CFAP299: variants seen among roughly 807,000 people sequenced by gnomAD.
The protein encoded by CFAP299 is cilia- and flagella-associated protein 299.
In CFAP299, 21 loss-of-function variants were observed where a neutral mutation model predicts 27.0. The ratio of observed to expected loss-of-function variants is 0.78; its 90% confidence interval spans 0.55 to 1.12. The LOEUF is 1.12. CFAP299 is among the 50% of genes most tolerant of loss of function. The pLI, the probability that CFAP299 is intolerant of heterozygous loss-of-function variation, is 0.00. For synonymous variants in CFAP299, 104 were observed against 98.1 expected (o/e 1.06, Z -0.36); for missense variants, 310 against 276.6 (o/e 1.12, Z -0.86).
chr4:80,764,854 T>C (rs1398428529), intron 3 of CFAP299, among the ~76,000 whole-genome samples: 5 of 151,900 alleles, frequency 3.3e-5, no homozygotes, highest in Non-Finnish European at 7.4e-5. Flanking sequence ...AACCAAACAC[T>C]GCATGTTCTC....
chr4:80,784,540 G>A lies in CFAP299; in HGVS notation c.334-85453G>A, dbSNP rs184599534. Among the ~76,000 whole-genome samples the A allele has an allele frequency of 3.3e-5, 5 of 149,270 alleles. No homozygotes were observed. In the East Asian group the frequency reaches 5.9e-4, roughly 18 times the overall value. On this transcript the variant is annotated intron_variant, in intron 3 of 5. Transcript: ENST00000358105. ...TTTTCTTTCTTTCTTTTTTTGAGAC[G>A]GAGTTTCGCTCTTGTTGCCCAGGCT...
At chr4:80,410,494 C>A (rs1726667816) in intron 2 of CFAP299, among the ~76,000 whole-genome samples, 1 of 152,126 alleles carries the variant, frequency 6.6e-6, no homozygotes, top group Non-Finnish European at 1.5e-5. Context: ...TAGAATTCAG[C>A]AGAAGCAGAG....
Position 80,930,797 on chromosome 4 carries a change from C to T in CFAP299, c.477-14013C>T, listed in dbSNP as rs543092107. Among the ~76,000 whole-genome samples the T allele has an allele frequency of 2.9e-3, 438 of 152,250 alleles. 2 individuals carry two copies. The highest frequency in any genetic ancestry group is 4.9e-3 in the Non-Finnish European group (334 of 68,004). On this transcript the variant is annotated intron_variant, in intron 4 of 5. Transcript: ENST00000358105. The stretch of plus-strand genomic sequence containing the variant: ...TTCTCAACAGCAGGCAATCCCCATA[C>T]CATCTTTCTTAGTTGGAAGGCCATT...
chr4:80,708,628 A>C (rs1397699830), intron 3 of CFAP299, among the ~76,000 whole-genome samples: 2 of 152,172 alleles, frequency 1.3e-5, no homozygotes, highest in African/African-American at 2.4e-5. Flanking sequence ...TAACATACTG[A>C]AAGTGAGTAC....
intron 1 of CFAP299, among the ~76,000 whole-genome samples, chr4:80,356,015 A>G (rs1431897473): frequency 3.3e-5 from 5 of 151,910 alleles, no homozygotes; most frequent in Admixed American, 1.3e-4. Flanking sequence ...ATTTTTGTGT[A>G]TGGTGTAAGG....
At chr4:80,848,274 C>A (rs1282947326) in intron 3 of CFAP299, among the ~76,000 whole-genome samples, 5 of 151,810 alleles carry the variant, frequency 3.3e-5, no homozygotes, top group African/African-American at 4.8e-5. Flanking sequence ...ACCTCAAAAA[C>A]CACAATATAA....
chr4:80,435,808 C>T (rs1728040610), intron 2 of CFAP299, among the ~76,000 whole-genome samples: 1 of 152,158 alleles, frequency 6.6e-6, no homozygotes, highest in Non-Finnish European at 1.5e-5. Flanking sequence ...TCTATCAATT[C>T]CCCTTTTTGC....
intron 3 of CFAP299, among the ~76,000 whole-genome samples, chr4:80,851,172 G>A (rs1468042277): frequency 6.6e-6 from 1 of 152,146 alleles, no homozygotes; most frequent in Non-Finnish European, 1.5e-5. Flanking sequence ...AGTGGTAGTT[G>A]AAGTCACTGT....
intron 3 of CFAP299, among the ~76,000 whole-genome samples, chr4:80,662,539 G>A (rs1482042971): frequency 6.6e-6 from 1 of 152,146 alleles, no homozygotes; most frequent in Non-Finnish European, 1.5e-5. Flanking sequence ...TCTGAATACA[G>A]CAGTGGAGGG....
At chr4:80,427,093 G>A (rs1368836260) in intron 2 of CFAP299, among the ~76,000 whole-genome samples, 1 of 152,004 alleles carries the variant, frequency 6.6e-6, no homozygotes, top group Admixed American at 6.5e-5. Flanking sequence ...GAGGAAAACG[G>A]GATATCACAA....
In CFAP299 at chr4:80,795,557, G is replaced by T. The variant is rs547094132; in HGVS notation, c.334-74436G>T. 1.5e-4 allele frequency among the ~76,000 whole-genome samples: 23 copies of T among 152,316 alleles called. No individual in the cohort carries two copies. The South Asian group carries it at 4.6e-3, about 30-fold the overall frequency. On this transcript the variant is annotated intron_variant, in intron 3 of 5. Coordinates refer to ENST00000358105, the MANE Select transcript of CFAP299 (RefSeq NM_152770.3). ...AACTCCCCATGAGGCCACTGGTGCA[G>T]GCTGGGGGAGAGAAGGCAGAGTGGC...
At chr4:80,808,674 T>G (rs925770383) in intron 3 of CFAP299, among the ~76,000 whole-genome samples, 1 of 152,168 alleles carries the variant, frequency 6.6e-6, no homozygotes, top group South Asian at 2.1e-4. Flanking sequence ...TAACCTGCTA[T>G]TCCATGTGCT....
chr4:80,598,246 G>A (rs1263363068), intron 3 of CFAP299, among the ~76,000 whole-genome samples: 1 of 152,150 alleles, frequency 6.6e-6, no homozygotes, highest in Non-Finnish European at 1.5e-5. Context: ...AATAGACTTA[G>A]TTCTGTGCTA....
rs777053646 is a variant in CFAP299, at chr4:80,629,893, A to AC, written c.333+46711dup. On this transcript the variant is annotated intron_variant, in intron 3 of 5. Transcript: ENST00000358105. ...CTGGAAAAAAAAAAAAACAAAAAAAACAAAAAAAACCCAGAAAAATTTATT... is the reference window on the plus strand; with the variant it reads ...CTGGAAAAAAAAAAAAACAAAAAAAACCAAAAAAAACCCAGAAAAATTTATT... 6.9e-3 allele frequency among the ~76,000 whole-genome samples: 1,037 copies of AC among 150,830 alleles called. 12 individuals are homozygous for AC. The highest frequency in any genetic ancestry group is 0.012 in the Non-Finnish European group (797 of 67,620).
intron 5 of CFAP299, among the ~76,000 whole-genome samples, chr4:80,950,351 T>A (rs545207944): frequency 6.6e-6 from 1 of 152,060 alleles, no homozygotes; most frequent in Admixed American, 6.6e-5. Flanking sequence ...CTAAAAAGCT[T>A]ACAGGTTAAC....
At chr4:80,566,928 A>G (rs2110228929) in intron 2 of CFAP299, among the ~76,000 whole-genome samples, 1 of 152,236 alleles carries the variant, frequency 6.6e-6, no homozygotes, top group Admixed American at 6.6e-5. Flanking sequence ...TTTAAGTATT[A>G]ACTAGAGAAA....
the CFAP299 span, among the ~76,000 whole-genome samples, chr4:80,327,404 A>G: frequency 1.3e-5 from 2 of 152,206 alleles, no homozygotes; most frequent in South Asian, 4.2e-4. Context: ...GTAGGGCTTC[A>G]TAAGCCAAGG....
intron 4 of CFAP299, among the ~76,000 whole-genome samples, chr4:80,881,025 G>C (rs933140854): frequency 6.6e-6 from 1 of 152,194 alleles, no homozygotes; most frequent in Non-Finnish European, 1.5e-5. Flanking sequence ...ATAAAGGAAA[G>C]AGAAGAGAAT....
intron 3 of CFAP299, among the ~76,000 whole-genome samples, chr4:80,857,354 G>T (rs1731979179): frequency 6.6e-6 from 1 of 152,160 alleles, no homozygotes; most frequent in East Asian, 1.9e-4. Context: ...TCTGCAAACA[G>T]GGACAATTTG....
Sources: gnomAD v4.1 joint callset for allele counts (sites outside exome capture counted in the v4.1 genomes callset) on GRCh38, gnomAD v4.1.1 for gene constraint, MANE v1.5 for transcripts, NCBI Gene and HGNC (gene_info 2026-07-23, HGNC 2026-07-21) for gene names.